OPLAH: variants seen among roughly 807,000 people sequenced by gnomAD.
OPLAH encodes the protein 5-oxoprolinase.
A neutral mutation model predicts 122.8 loss-of-function variants in OPLAH; 103 were observed. The observed-to-expected ratio is 0.84, with a 90% CI of 0.71 to 0.99. The LOEUF is 0.99. Ranked by LOEUF, OPLAH falls within the 50% of genes least tolerant of loss-of-function variation. OPLAH has a pLI of 0.00. For synonymous variants in OPLAH, 875 were observed against 796.0 expected (o/e 1.10, Z -1.67); for missense variants, 1,902 against 1,836.5 (o/e 1.04, Z -0.65).
rs370996397 is a variant in OPLAH at position 144,056,536 on chromosome 8, C to A, written c.1845-13G>T. The A allele has an allele frequency of 8.7e-6, 14 of 1,612,022 alleles. No homozygotes were observed. The highest frequency in any genetic ancestry group is 2.7e-5 in the African/African-American group (2 of 74,910). On this transcript the variant is annotated splice_polypyrimidine_tract_variant and intron_variant, in intron 13 of 26. Coordinates refer to ENST00000618853, the MANE Select transcript of OPLAH (RefSeq NM_017570.5). ...CTCCCTCATGTACCTGCACTCCCCG[C>A]GGGGACCCAAGGAGTGGTCAGAGTG...
chr8:144,052,334 G>A lies in OPLAH; in HGVS notation c.3304-8C>T. On this transcript the variant is annotated splice_polypyrimidine_tract_variant and splice_region_variant and intron_variant, in intron 23 of 26. Transcript: ENST00000618853. ...CACGTTGTTCATGCAGCCCTGGTGA[G>A]GGCACCTGGTCGCTGCGCTGGGCTG... 6.6e-7 allele frequency: 1 copy of A among 1,516,742 alleles called. No homozygotes were observed. The highest frequency in any genetic ancestry group is 8.8e-7 in the Non-Finnish European group (1 of 1,135,014). 94.0% of individuals were successfully genotyped at this position (1,516,742 alleles called of 1,614,324 possible). A position where few individuals can be genotyped will look rare whatever the true frequency, so the allele number is the denominator to read the frequency against.
intron 25 of OPLAH, 45 bp from the exon 26 acceptor site, chr8:144,051,871 G>C (rs1554757737): frequency 2.3e-6 from 3 of 1,290,494 alleles, no homozygotes; most frequent in African/African-American, 1.5e-5. Flanking sequence ...GGGCGGGGGT[G>C]GGGGCGGGGG....
chr8:144,055,486 G>A lies in OPLAH; in HGVS notation c.2249-297C>T, dbSNP rs1835489969. On this transcript the variant is annotated intron_variant, in intron 16 of 26. Coordinates refer to ENST00000618853, the MANE Select transcript of OPLAH (RefSeq NM_017570.5). The surrounding 1 kb of genome is among the most constrained non-coding windows in gnomAD (Gnocchi z 6.5). ...TGGTTCCTAGGCTCTTGACCTCTGG[G>A]CTCCCAGCAAGCCGCTGGCCTGACC... is the stretch of plus-strand genomic sequence containing the variant. Among the ~76,000 whole-genome samples, 1 of 152,042 alleles carries A rather than the reference G, an allele frequency of 6.6e-6. No individual in the cohort carries two copies. Among genetic ancestry groups the A allele is most frequent in the Admixed American group, 6.5e-5 (1 of 15,282 alleles).
At position 144,057,598 on chromosome 8, in the gene OPLAH, G is replaced by A; in HGVS notation, c.1272C>T (p.Arg424=). The change falls in exon 10 of 27, where the codon CGC becomes CGT. Residue 424 remains arginine, a synonymous_variant. Coordinates refer to ENST00000618853, the MANE Select transcript of OPLAH (RefSeq NM_017570.5). The part of the protein sequence containing the change: ...ENQPLSPEAS[R]KALEAVATEV... ...CAGTGGCCACAGCCTCCAGGGCTTT[G>A]CGGGAGGCCTCAGGGGAAAGTGGTT... 6.3e-7 allele frequency: 1 copy of A among 1,586,584 alleles called. No individual in the cohort carries two copies. The highest frequency in any genetic ancestry group is 8.6e-7 in the Non-Finnish European group (1 of 1,165,788).
chr8:144,055,006 G>C lies in OPLAH; in HGVS notation c.2409+23C>G. On this transcript the variant is annotated intron_variant, in intron 17 of 26. Coordinates refer to ENST00000618853, the MANE Select transcript of OPLAH (RefSeq NM_017570.5). This position sits in a 1 kb window ranked among gnomAD's most constrained non-coding sequence, Gnocchi z 6.5. ...TGGAGGGTGAGGGAGGGGGATGGAA[G>C]GGTGAGGCGGGGGAAGGGCCACCTG... The C allele has an allele frequency of 7.1e-7, 1 of 1,414,666 alleles. No homozygotes were observed. Among genetic ancestry groups the C allele is most frequent in the South Asian group, 1.5e-5 (1 of 66,078 alleles). The allele number at this position is 1,414,666 out of a possible 1,614,324, so 87.6% of individuals were successfully genotyped here. A position where few individuals can be genotyped will look rare whatever the true frequency, so the allele number is the denominator to read the frequency against.
chr8:144,056,840 G>C, intron 12 of OPLAH, 85 bp from the exon 13 acceptor site: 2 of 1,518,994 alleles, frequency 1.3e-6, no homozygotes, highest in Non-Finnish European at 1.8e-6. Flanking sequence ...CACCTGTTCT[G>C]CTTCTCGCAC....
chr8:144,059,550 TG>T (rs1554760358), intron 3 of OPLAH, 48 bp downstream of exon 3: 5 of 1,547,708 alleles, frequency 3.2e-6, no homozygotes, highest in Non-Finnish European at 4.4e-6. Context: ...AAGGCATCCC[TG>T]GGGGGTGTAC....
chr8:144,063,598 A>G (rs6558293), upstream of OPLAH: 31,949 of 152,656 alleles, frequency 0.21, 6,779 homozygotes, highest in African/African-American at 0.55. This position sits in a 1 kb window ranked among gnomAD's most constrained non-coding sequence, Gnocchi z 4.2. Flanking sequence ...CCCGCCGCAC[A>G]TCCTGGAAGA....
Position 144,053,412 on chromosome 8 carries a change from C to A in OPLAH, c.2687-19G>T. ...GTCACCGCTGGATGGACAGTGTCATCACTGAGCCCCTGGCCAACCCTGTCT... is the reference window on the plus strand; with the variant it reads ...GTCACCGCTGGATGGACAGTGTCATAACTGAGCCCCTGGCCAACCCTGTCT... On this transcript the variant is annotated intron_variant, in intron 19 of 26. Coordinates refer to ENST00000618853, the MANE Select transcript of OPLAH (RefSeq NM_017570.5). 1 of 1,591,954 alleles carries A rather than the reference C, an allele frequency of 6.3e-7. No individual in the cohort carries two copies. Among genetic ancestry groups the A allele is most frequent in the African/African-American group, 1.3e-5 (1 of 74,722 alleles).
upstream of OPLAH, among the ~76,000 whole-genome samples, chr8:144,061,408 C>T (rs1023062069): frequency 2.0e-5 from 3 of 151,912 alleles, no homozygotes; most frequent in Admixed American, 6.6e-5. Flanking sequence ...TCTCAGCTAC[C>T]GGGAGGCTGA....
Position 144,058,263 on chromosome 8 carries a change from G to A in OPLAH, c.925C>T (p.Pro309Ser), listed in dbSNP as rs782559361. ...ATTYQQEGGQ[P>S]VIGFDMGGTS... The stretch of plus-strand genomic sequence containing the variant: ...CCTCCCATGTCAAAGCCGATGACAG[G>A]CTGGCCACCCTCCTGCTGGTAGGTG... Residue 309 changes from proline (P) to serine (S), a missense_variant, in exon 7 of 27, where the codon CCT (proline) becomes TCT (serine). Coordinates refer to ENST00000618853, the MANE Select transcript of OPLAH (RefSeq NM_017570.5). The A allele has an allele frequency of 6.2e-7, 1 of 1,610,564 alleles. No homozygotes were observed. Among genetic ancestry groups the A allele is most frequent in the Non-Finnish European group, 8.5e-7 (1 of 1,178,932 alleles).
Position 144,055,670 on chromosome 8 carries a change from G to T in OPLAH, c.2248+118C>A. On this transcript the variant is annotated intron_variant, in intron 16 of 26. Coordinates refer to ENST00000618853, the MANE Select transcript of OPLAH (RefSeq NM_017570.5). The surrounding 1 kb of genome is among the most constrained non-coding windows in gnomAD (Gnocchi z 6.5). ...ACCACACCAGTGCTGCGGCCACACT[G>T]CCCGCCCCGTCGCCAGGGGGTCCTG... The T allele has an allele frequency of 7.9e-7, 1 of 1,272,824 alleles. No homozygotes were observed. Among genetic ancestry groups the T allele is most frequent in the Non-Finnish European group, 1.0e-6 (1 of 964,918 alleles). 78.8% of individuals were successfully genotyped at this position (1,272,824 alleles called of 1,614,324 possible).
Position 144,051,861 on chromosome 8 carries a change from G to A in OPLAH, c.3623-35C>T, listed in dbSNP as rs76776187. 1,149 of 1,502,724 alleles carry A rather than the reference G, an allele frequency of 7.6e-4. 27 individuals are homozygous for A. In the East Asian group the frequency reaches 0.027, roughly 35 times the overall value. 93.1% of individuals were successfully genotyped at this position (1,502,724 alleles called of 1,614,324 possible). A position where few individuals can be genotyped will look rare whatever the true frequency, so the allele number is the denominator to read the frequency against. On this transcript the variant is annotated intron_variant, in intron 25 of 26. Transcript: ENST00000618853. ...GAGGCGAGGAGTCCAGAGAGACCAG[G>A]GGCGGGGGTGGGGGCGGGGGCGGGG...
In OPLAH at chr8:144,052,224, C is replaced by T. The variant is rs1564287686; in HGVS notation, c.3406G>A (p.Val1136Met). 1 of 1,571,724 alleles carries T rather than the reference C, an allele frequency of 6.4e-7. No homozygotes were observed. Among genetic ancestry groups the T allele is most frequent in the Non-Finnish European group, 8.6e-7 (1 of 1,164,348 alleles). The part of the protein sequence containing the change: ...AGPSWHGRSG[V>M]HSHMTNTRIT... Reference sequence around the variant, plus strand: ...CGTGTGTTGGTCATGTGGCTGTGCACACCGCTGCGCCCGTGCCAGCTGGGA... The same window carrying T: ...CGTGTGTTGGTCATGTGGCTGTGCATACCGCTGCGCCCGTGCCAGCTGGGA... Residue 1136 changes from valine (V) to methionine (M), a missense_variant, in exon 24 of 27, where the codon GTG (valine) becomes ATG (methionine). By Grantham distance (21) the Val-to-Met change is conservative. Around this residue, in one of 3 missense-constraint regions of OPLAH, gnomAD observed 1,726 missense variants for 1,642.1 expected, o/e 1.05. Coordinates refer to ENST00000618853, the MANE Select transcript of OPLAH (RefSeq NM_017570.5).
chr8:144,062,998 C>T (rs7823319), upstream of OPLAH, among the ~76,000 whole-genome samples: 12,787 of 151,890 alleles, frequency 0.084, 609 homozygotes, highest in African/African-American at 0.13. Flanking sequence ...CCTCCCTTGG[C>T]TGCCCCACCT....
intron 10 of OPLAH, 43 bp downstream of exon 10, chr8:144,057,405 A>G (rs1554759552): frequency 2.5e-6 from 4 of 1,587,950 alleles, no homozygotes; most frequent in Non-Finnish European, 2.6e-6. Context: ...GGCAGGGAGC[A>G]GGGCTGGGGG....
chr8:144,054,681 G>A lies in OPLAH; in HGVS notation c.2566C>T (p.His856Tyr). ...GGTGTGATGCCCCCGATGTCTGCGTGGTGCCCTCGGCTGGCCACATAGAAC... is the reference window on the plus strand; with the variant it reads ...GGTGTGATGCCCCCGATGTCTGCGTAGTGCCCTCGGCTGGCCACATAGAAC... ...PVFYVASRGH[H>Y]ADIGGITPGS... Residue 856 changes from histidine to tyrosine, a missense_variant, in exon 19 of 27, where the codon CAC becomes TAC. By Grantham distance (83) the His-to-Tyr change is moderately conservative. This residue lies in a region of OPLAH where 1,726 missense variants were observed against 1,642.1 expected (regional missense o/e 1.05). Transcript: ENST00000618853. The A allele has an allele frequency of 6.2e-7, 1 of 1,612,536 alleles. No homozygotes were observed. The highest frequency in any genetic ancestry group is 8.5e-7 in the Non-Finnish European group (1 of 1,179,826).
intron 10 of OPLAH, 51 bp from the exon 11 acceptor site, chr8:144,057,371 C>A: frequency 6.3e-7 from 1 of 1,583,600 alleles, no homozygotes; most frequent in East Asian, 2.3e-5. Context: ...CCCATCCAGC[C>A]CCCAGCCTGA....
At chr8:144,057,161 G>A in intron 11 of OPLAH, 43 bp from the exon 12 acceptor site, 7 of 1,596,958 alleles carry the variant, frequency 4.4e-6, no homozygotes, top group Non-Finnish European at 6.0e-6. Context: ...CACCTCCCAA[G>A]CCCGGCGCAG....
Sources: gnomAD v4.1 joint callset for allele counts (sites outside exome capture counted in the v4.1 genomes callset) on GRCh38, gnomAD v4.1.1 for gene constraint, gnomAD v4.1.1 regional missense constraint, Gnocchi (gnomAD v3.1) non-coding constraint, MANE v1.5 for transcripts, NCBI Gene and HGNC (gene_info 2026-07-23, HGNC 2026-07-21) for gene names.